Variants in GALNT13 observed in about 807,000 individuals in gnomAD.
GALNT13 encodes polypeptide N-acetylgalactosaminyltransferase 13.
GALNT13 carries 28 observed loss-of-function variants against 64.2 expected under a neutral mutation model. That is an observed-to-expected ratio of 0.44 (90% confidence interval 0.32 to 0.60). The LOEUF (loss-of-function observed/expected upper bound fraction) is 0.60, where lower values mean the gene tolerates loss of function less well. Among genes scored for constraint, GALNT13 ranks in the 20% least tolerant of loss-of-function variants. The pLI is 0.05. For missense variants in GALNT13, 577 were observed against 669.8 expected (o/e 0.86, Z 1.53); for synonymous variants, 214 against 224.6 (o/e 0.95, Z 0.42).
intron 9 of GALNT13, among the ~76,000 whole-genome samples, chr2:154,338,116 T>C (rs1695556166): frequency 1.3e-5 from 2 of 152,134 alleles, no homozygotes; most frequent in African/African-American, 4.8e-5. Flanking sequence ...TAGTTGAGTA[T>C]GATAAAAATA....
intron 4 of GALNT13, among the ~76,000 whole-genome samples, chr2:154,225,101 G>GAT (rs1688519518): frequency 2.2e-5 from 3 of 136,110 alleles, no homozygotes; most frequent in Non-Finnish European, 4.7e-5. Context: ...CACACATGGA[G>GAT]AGATAGATAG....
chr2:153,276,204 C>A, the GALNT13 span, among the ~76,000 whole-genome samples: 1 of 152,056 alleles, frequency 6.6e-6, no homozygotes, highest in Non-Finnish European at 1.5e-5. Flanking sequence ...CTATTACACA[C>A]TATGCTTTTG....
At chr2:154,390,823 G>C (rs1441614491) in intron 9 of GALNT13, among the ~76,000 whole-genome samples, 1 of 152,142 alleles carries the variant, frequency 6.6e-6, no homozygotes, top group Non-Finnish European at 1.5e-5. Context: ...TCCATTGAAA[G>C]ACTTGCCTTA....
At chr2:153,387,222 T>C in the GALNT13 span, among the ~76,000 whole-genome samples, 1 of 152,136 alleles carries the variant, frequency 6.6e-6, no homozygotes, top group Non-Finnish European at 1.5e-5. Context: ...GATCTAGTTA[T>C]AGTATTTGGT....
the GALNT13 span, chr2:153,159,832 G>A: frequency 6.6e-6 from 1 of 152,226 alleles, no homozygotes; most frequent in Non-Finnish European, 1.5e-5. Flanking sequence ...GCTGTCTACT[G>A]AAGTTACGGT....
At chr2:154,294,012 T>G (rs1692784516) in intron 8 of GALNT13, among the ~76,000 whole-genome samples, 1 of 152,206 alleles carries the variant, frequency 6.6e-6, no homozygotes, top group Non-Finnish European at 1.5e-5. Context: ...TCTACCTTAA[T>G]CTTTTTATTT....
chr2:153,351,719 G>A, the GALNT13 span, among the ~76,000 whole-genome samples: 9 of 152,258 alleles, frequency 5.9e-5, no homozygotes, highest in East Asian at 3.9e-4. Context: ...AGTATGTAGC[G>A]TTTTTCACAT....
chr2:154,220,930 G>A (rs78768176), intron 4 of GALNT13, among the ~76,000 whole-genome samples: 6,160 of 151,974 alleles, frequency 0.041, 188 homozygotes, highest in Non-Finnish European at 0.059. Context: ...TTAGATGAGC[G>A]CAAAGAAATA....
chr2:154,397,766 C>T (rs1381584558), intron 10 of GALNT13, among the ~76,000 whole-genome samples: 2 of 152,142 alleles, frequency 1.3e-5, no homozygotes, highest in Admixed American at 6.6e-5. Flanking sequence ...GTAAATATCT[C>T]TCTATAGAGC....
the GALNT13 span, among the ~76,000 whole-genome samples, chr2:153,308,791 G>GATA: frequency 5.9e-5 from 9 of 152,174 alleles, no homozygotes; most frequent in East Asian, 1.5e-3. Context: ...TTTATATTAT[G>GATA]ACAGAGGATT....
intron 8 of GALNT13, among the ~76,000 whole-genome samples, chr2:154,277,340 A>G (rs1691704677): frequency 6.6e-6 from 1 of 152,176 alleles, no homozygotes; most frequent in Admixed American, 6.5e-5. Context: ...TCGCTCGTCA[A>G]AATTAATGCA....
intron 3 of GALNT13, among the ~76,000 whole-genome samples, chr2:154,127,806 A>C (rs1336193720): frequency 1.6e-4 from 24 of 151,104 alleles, no homozygotes; most frequent in Admixed American, 1.5e-3. Context: ...AGATTTGCAT[A>C]TATTTCTGCA....
At chr2:154,350,052 A>AT (rs1696305504) in intron 9 of GALNT13, among the ~76,000 whole-genome samples, 1 of 152,178 alleles carries the variant, frequency 6.6e-6, no homozygotes, top group Non-Finnish European at 1.5e-5. Flanking sequence ...ACCAGAAGAA[A>AT]TTTTTATCAA....
At chr2:153,711,609 A>G in the GALNT13 span, among the ~76,000 whole-genome samples, 1 of 152,182 alleles carries the variant, frequency 6.6e-6, no homozygotes, top group Non-Finnish European at 1.5e-5. Flanking sequence ...CTTAATACAA[A>G]GAAGTTAAGT....
the GALNT13 span, among the ~76,000 whole-genome samples, chr2:153,356,239 C>A: frequency 5.3e-5 from 8 of 152,238 alleles, no homozygotes; most frequent in Admixed American, 5.2e-4. Flanking sequence ...ATTTGATGAC[C>A]ATGGATAATA....
At chr2:154,227,155 T>C (rs572135626) in intron 4 of GALNT13, among the ~76,000 whole-genome samples, 1 of 152,148 alleles carries the variant, frequency 6.6e-6, no homozygotes, top group South Asian at 2.1e-4. Context: ...TGATCCAGTG[T>C]GTGTACTGCA....
At chr2:153,525,128 T>G in the GALNT13 span, among the ~76,000 whole-genome samples, 1 of 152,204 alleles carries the variant, frequency 6.6e-6, no homozygotes, top group Non-Finnish European at 1.5e-5. Context: ...TGGATGACTT[T>G]CCTAGACACA....
At chr2:153,338,398 A>T in the GALNT13 span, among the ~76,000 whole-genome samples, 4 of 152,240 alleles carry the variant, frequency 2.6e-5, no homozygotes, top group African/African-American at 7.2e-5. Flanking sequence ...AATAAGTGAT[A>T]AAACTGGGAT....
At chr2:153,489,657 G>A in the GALNT13 span, among the ~76,000 whole-genome samples, 1 of 152,068 alleles carries the variant, frequency 6.6e-6, no homozygotes, top group African/African-American at 2.4e-5. Flanking sequence ...ATTAATACAA[G>A]ATAGGGCAAA....
Sources: allele counts gnomAD v4.1 joint callset (sites outside exome capture counted in the v4.1 genomes callset), GRCh38; gene constraint gnomAD v4.1.1; transcripts MANE v1.5; gene names NCBI Gene and HGNC (gene_info 2026-07-23, HGNC 2026-07-21).